Variants in GREM2 observed in about 807,000 individuals in gnomAD.
GREM2 encodes gremlin 2, DAN family BMP antagonist.
A neutral mutation model predicts 14.2 loss-of-function variants in GREM2; 11 were observed. The observed-to-expected ratio is 0.78, with a 90% confidence interval of 0.49 to 1.28. The LOEUF (loss-of-function observed/expected upper bound fraction) is 1.28. GREM2 is among the 50% of genes most tolerant of loss of function. The pLI is 0.00. For synonymous variants in GREM2, 98 were observed against 97.6 expected (o/e 1.00, Z -0.02); for missense variants, 210 against 218.5 (o/e 0.96, Z 0.24).
chr1:240,513,424 A>G (rs757582407), intron 1 of GREM2, among the ~76,000 whole-genome samples: 2 of 152,112 alleles, frequency 1.3e-5, no homozygotes, highest in Admixed American at 6.5e-5. Context: ...AAAATATACA[A>G]ATTAGCTGGG....
intron 1 of GREM2, among the ~76,000 whole-genome samples, chr1:240,510,091 C>T (rs898435805): frequency 3.3e-5 from 5 of 152,050 alleles, no homozygotes; most frequent in South Asian, 2.1e-4. Flanking sequence ...AATGGTAGGC[C>T]GGGTGCGGTG....
chr1:240,609,774 A>G (rs1467007268), intron 1 of GREM2, among the ~76,000 whole-genome samples: 9 of 152,186 alleles, frequency 5.9e-5, no homozygotes, highest in Non-Finnish European at 8.8e-5. Context: ...AGACAGGCCA[A>G]TCCTCTCCAT....
intron 1 of GREM2, among the ~76,000 whole-genome samples, chr1:240,594,928 G>A (rs768646886): frequency 2.0e-5 from 3 of 152,098 alleles, no homozygotes; most frequent in Admixed American, 6.6e-5. Flanking sequence ...AATAAACACA[G>A]TGATAAACAT....
rs553571611 is a variant in GREM2 at position 240,518,274 on chromosome 1, C to T, written c.-1-24798G>A. Among the ~76,000 whole-genome samples the T allele has an allele frequency of 4.6e-5, 7 of 152,268 alleles. No individual in the cohort carries two copies. In the South Asian group the frequency reaches 1.5e-3, roughly 32 times the overall value. The stretch of plus-strand genomic sequence containing the variant: ...TTTCTCCCAATTAATTTAGGCTGTA[C>T]TTGACCCATTTATGCTCTGTGAAGG... On this transcript the variant is annotated intron_variant, in intron 1 of 1. Transcript: ENST00000318160.
chr1:240,529,101 G>C (rs1006467099), intron 1 of GREM2, among the ~76,000 whole-genome samples: 2 of 152,114 alleles, frequency 1.3e-5, no homozygotes, highest in African/African-American at 2.4e-5. Flanking sequence ...TAAAGGGCTT[G>C]GGAAGGAATT....
chr1:240,520,465 C>T (rs181948025), intron 1 of GREM2, among the ~76,000 whole-genome samples: 189 of 152,318 alleles, frequency 1.2e-3, no homozygotes, highest in Non-Finnish European at 2.1e-3. Context: ...CCTTGAGGAA[C>T]AAGACTGAAA....
At chr1:240,497,817 C>T (rs960106674) in intron 1 of GREM2, among the ~76,000 whole-genome samples, 3 of 152,096 alleles carry the variant, frequency 2.0e-5, no homozygotes, top group Admixed American at 2.0e-4. Context: ...ATTGGACTCG[C>T]TCAGCTTACA....
At chr1:240,512,987 T>C (rs769644552) in intron 1 of GREM2, among the ~76,000 whole-genome samples, 1 of 152,192 alleles carries the variant, frequency 6.6e-6, no homozygotes, top group Non-Finnish European at 1.5e-5. Context: ...ACAGCAGATA[T>C]GATCCTGTCT....
intron 1 of GREM2, among the ~76,000 whole-genome samples, chr1:240,512,054 C>T (rs1334740848): frequency 6.6e-6 from 1 of 152,246 alleles, no homozygotes; most frequent in Admixed American, 6.5e-5. Flanking sequence ...ACTTGTCAAA[C>T]CATTTTAATT....
chr1:240,530,612 A>T (rs1402041124), intron 1 of GREM2: 3 of 152,240 alleles, frequency 2.0e-5, no homozygotes, highest in Non-Finnish European at 2.9e-5. Context: ...AGTTATAAAT[A>T]ATAGTTATCA....
At chr1:240,521,444 G>A (rs1393811430) in intron 1 of GREM2, among the ~76,000 whole-genome samples, 26 of 151,520 alleles carry the variant, frequency 1.7e-4, no homozygotes, top group African/African-American at 4.6e-4. Flanking sequence ...GGTGAGGGGC[G>A]ACTGTAGTCC....
intron 1 of GREM2, among the ~76,000 whole-genome samples, chr1:240,571,116 G>A (rs756124932): frequency 9.9e-5 from 15 of 152,038 alleles, no homozygotes; most frequent in African/African-American, 2.4e-4. Context: ...AAATTCATGC[G>A]AATAGTTTTT....
At chr1:240,567,896 G>A (rs1679197623) in intron 1 of GREM2, among the ~76,000 whole-genome samples, 1 of 152,128 alleles carries the variant, frequency 6.6e-6, no homozygotes, top group African/African-American at 2.4e-5. Context: ...ATCACTTGAG[G>A]CCAGGAGTTT....
intron 1 of GREM2, among the ~76,000 whole-genome samples, chr1:240,556,652 G>A (rs1175608770): frequency 2.0e-5 from 3 of 151,930 alleles, no homozygotes; most frequent in Non-Finnish European, 4.4e-5. Flanking sequence ...TTATTCCTAC[G>A]AGAAAAAAGA....
At chr1:240,531,203 T>C (rs1374161401) in intron 1 of GREM2, among the ~76,000 whole-genome samples, 3 of 152,172 alleles carry the variant, frequency 2.0e-5, no homozygotes, top group Non-Finnish European at 4.4e-5. Flanking sequence ...CCATATAGCT[T>C]TTTCCCCACT....
At chr1:240,565,536 T>C (rs1175102161) in intron 1 of GREM2, among the ~76,000 whole-genome samples, 1 of 152,062 alleles carries the variant, frequency 6.6e-6, no homozygotes, top group Admixed American at 6.6e-5. Context: ...GGTACGATCA[T>C]TCCAAATAAG....
intron 1 of GREM2, among the ~76,000 whole-genome samples, chr1:240,547,532 T>TATATATATATATAGACAGATAGATAG (rs1187770486): frequency 5.8e-4 from 71 of 121,864 alleles, no homozygotes; most frequent in African/African-American, 2.1e-3. Context: ...TATATATATA[T>TATATATATATATAGACAGATAGATAG]ATAGATAGAT....
chr1:240,558,856 G>T (rs144825328), intron 1 of GREM2, among the ~76,000 whole-genome samples: 32 of 152,050 alleles, frequency 2.1e-4, no homozygotes, highest in Admixed American at 9.2e-4. Flanking sequence ...TTTATGAAAA[G>T]AAACTATATT....
At chr1:240,595,902 C>G (rs1006875546) in intron 1 of GREM2, among the ~76,000 whole-genome samples, 1 of 152,118 alleles carries the variant, frequency 6.6e-6, no homozygotes, top group Non-Finnish European at 1.5e-5. Flanking sequence ...CTACCTTTTC[C>G]TCAAGGGGGA....
Sources: gnomAD v4.1 joint callset for allele counts (sites outside exome capture counted in the v4.1 genomes callset) on GRCh38, gnomAD v4.1.1 for gene constraint, MANE v1.5 for transcripts, NCBI Gene and HGNC (gene_info 2026-07-23, HGNC 2026-07-21) for gene names.